The following NLGN1 variants were observed in gnomAD, a reference collection of about 807,000 sequenced individuals.
NLGN1 encodes the protein neuroligin 1.
Under a neutral mutation model 65.5 loss-of-function variants are expected in NLGN1, and 12 were observed. The observed-to-expected ratio is 0.18, with a 90% CI of 0.12 to 0.30. NLGN1 has a LOEUF of 0.30. Ranked by LOEUF, NLGN1 falls within the 10% of genes least tolerant of loss-of-function variation. The probability of loss-of-function intolerance (pLI) is 1.00; values close to 1 mark genes in which losing one functional copy is unlikely to be tolerated. For missense variants in NLGN1, 750 were observed against 1,007.1 expected (o/e 0.74, Z 3.46); for synonymous variants, 350 against 359.5 (o/e 0.97, Z 0.30).
intron 4 of NLGN1, among the ~76,000 whole-genome samples, chr3:173,894,326 A>G (rs1735947339): frequency 6.6e-6 from 1 of 152,172 alleles, no homozygotes; most frequent in African/African-American, 2.4e-5. Context: ...AAGGAAGGCA[A>G]CCAAGCTAAT....
intron 2 of NLGN1, among the ~76,000 whole-genome samples, chr3:173,530,326 A>G (rs973437258): frequency 6.6e-6 from 1 of 152,124 alleles, no homozygotes; most frequent in Non-Finnish European, 1.5e-5. Context: ...TGAGGTAGGT[A>G]TTATGATCCC....
chr3:173,698,567 C>T (rs985497638), intron 3 of NLGN1, among the ~76,000 whole-genome samples: 6 of 152,120 alleles, frequency 3.9e-5, no homozygotes, highest in African/African-American at 1.4e-4. Flanking sequence ...TTGTTCAGTT[C>T]TCAGTATATA....
chr3:174,269,839 A>G (rs1749003225), intron 4 of NLGN1, among the ~76,000 whole-genome samples: 2 of 151,604 alleles, frequency 1.3e-5, no homozygotes, highest in Non-Finnish European at 3.0e-5. Flanking sequence ...ATCCTTTCCT[A>G]TTTTGTGATT....
At chr3:173,729,396 A>G (rs1772405965) in intron 3 of NLGN1, among the ~76,000 whole-genome samples, 1 of 152,066 alleles carries the variant, frequency 6.6e-6, no homozygotes. Flanking sequence ...TGGGCATTAC[A>G]ATAACTTCAT....
intron 4 of NLGN1, among the ~76,000 whole-genome samples, chr3:174,135,441 G>A (rs181887366): frequency 6.6e-6 from 1 of 152,226 alleles, no homozygotes; most frequent in East Asian, 1.9e-4. Context: ...TAGAGAATAT[G>A]TGGCTTAAAG....
chr3:173,565,043 A>AG (rs1484591158), intron 2 of NLGN1, among the ~76,000 whole-genome samples: 1 of 152,178 alleles, frequency 6.6e-6, no homozygotes, highest in African/African-American at 2.4e-5. Flanking sequence ...TCCTGCCAAA[A>AG]GGGAAACTCT....
chr3:173,982,547 A>G (rs2152395692), intron 4 of NLGN1, among the ~76,000 whole-genome samples: 3 of 152,280 alleles, frequency 2.0e-5, no homozygotes, highest in Middle Eastern at 6.8e-3. Flanking sequence ...TAAATTTAGA[A>G]TAAGGGCAGT....
At chr3:174,286,965 A>G (rs1205664908), downstream of NLGN1, among the ~76,000 whole-genome samples, 1 of 151,588 alleles carries the variant, frequency 6.6e-6, no homozygotes, top group East Asian at 1.9e-4. Flanking sequence ...TCAATTTTAA[A>G]TTAATGACTT....
At chr3:173,923,098 C>A (rs896559599) in intron 4 of NLGN1, among the ~76,000 whole-genome samples, 1 of 151,916 alleles carries the variant, frequency 6.6e-6, no homozygotes, top group Non-Finnish European at 1.5e-5. Flanking sequence ...GGTAAGATAC[C>A]TAATCTAATA....
intron 4 of NLGN1, among the ~76,000 whole-genome samples, chr3:174,104,414 T>C (rs746866087): frequency 4.6e-5 from 7 of 152,132 alleles, no homozygotes; most frequent in Non-Finnish European, 8.8e-5. Context: ...TCAAAAATAT[T>C]TATTAAATGT....
At chr3:173,630,648 A>G (rs1051803632) in intron 3 of NLGN1, among the ~76,000 whole-genome samples, 1 of 152,094 alleles carries the variant, frequency 6.6e-6, no homozygotes, top group Non-Finnish European at 1.5e-5. Context: ...TCTTCCACAG[A>G]GAGAAACTCA....
chr3:174,086,234 C>CATATATATTTATGTATGTGCATATAT (rs1743238912), intron 4 of NLGN1, among the ~76,000 whole-genome samples: 2 of 3,666 alleles, frequency 5.5e-4, no homozygotes, highest in Non-Finnish European at 1.1e-3. Context: ...TGTATGTGCA[C>CATATATATTTATGTATGTGCATATAT]ATATATATTT....
At chr3:173,917,394 A>G (rs1740956405) in intron 4 of NLGN1, among the ~76,000 whole-genome samples, 1 of 152,216 alleles carries the variant, frequency 6.6e-6, no homozygotes, top group Admixed American at 6.5e-5. Flanking sequence ...GGGAACATTA[A>G]TATGTATAAA....
At chr3:173,445,212 G>A (rs1448778560) in intron 2 of NLGN1, among the ~76,000 whole-genome samples, 2 of 142,822 alleles carry the variant, frequency 1.4e-5, no homozygotes, top group East Asian at 4.2e-4. Context: ...AGCTTGCAGT[G>A]AGCCGAGATC....
At chr3:174,145,196 G>A (rs149330354) in intron 4 of NLGN1, among the ~76,000 whole-genome samples, 84 of 152,100 alleles carry the variant, frequency 5.5e-4, no homozygotes, top group African/African-American at 2.0e-3. Context: ...TACCTATTTT[G>A]TATTTACAGA....
chr3:173,840,235 A>T (rs1048375203), intron 4 of NLGN1, among the ~76,000 whole-genome samples: 1 of 152,204 alleles, frequency 6.6e-6, no homozygotes, highest in Non-Finnish European at 1.5e-5. Context: ...TTCCCAGATC[A>T]TCTGAATTTG....
chr3:173,768,353 C>G (rs1779072962), intron 3 of NLGN1, among the ~76,000 whole-genome samples: 1 of 152,128 alleles, frequency 6.6e-6, no homozygotes, highest in South Asian at 2.1e-4. Context: ...GATGGTACCA[C>G]AGGAGCTGAG....
chr3:173,538,923 C>G (rs1737928843), intron 2 of NLGN1, among the ~76,000 whole-genome samples: 1 of 151,666 alleles, frequency 6.6e-6, no homozygotes, highest in Non-Finnish European at 1.5e-5. Flanking sequence ...ACATCTTCCC[C>G]AAATTTCCTT....
rs58762495 is a variant in NLGN1, at chr3:173,545,069, GTTTGT to G, written c.-320-59192_-320-59188del. ...GTGTGTGTGTGTGGTTGTTTTTTTT[GTTTGT>G]TTTGTTTTGTTTTGTTTGAGATGGA... On this transcript the variant is annotated intron_variant, in intron 2 of 6. Coordinates refer to ENST00000457714, the Ensembl canonical transcript of NLGN1. Among the ~76,000 whole-genome samples, 1,093 of 150,716 alleles carry G rather than the reference GTTTGT, an allele frequency of 7.3e-3. 22 individuals carry two copies. Among genetic ancestry groups the G allele is most frequent in the South Asian group, 0.052 (250 of 4,786 alleles).
Sources: gnomAD v4.1 joint callset for allele counts (sites outside exome capture counted in the v4.1 genomes callset) on GRCh38, gnomAD v4.1.1 for gene constraint, MANE v1.5 for transcripts, NCBI Gene and HGNC (gene_info 2026-07-23, HGNC 2026-07-21) for gene names.